Variants in FREM2 observed in about 807,000 individuals in gnomAD.
FREM2 encodes FRAS1 related extracellular matrix 2.
A neutral mutation model predicts 219.9 loss-of-function variants in FREM2; 119 were observed. That is an observed-to-expected ratio of 0.54 (90% CI 0.47 to 0.63). The LOEUF is 0.63. Among genes scored for constraint, FREM2 ranks in the 30% least tolerant of loss-of-function variants. The pLI, the probability that FREM2 is intolerant of heterozygous loss-of-function variation, is 0.00. For synonymous variants in FREM2, 1,562 were observed against 1,522.8 expected, an observed-to-expected ratio of 1.03 and a Z score of -0.60; for missense variants, 4,030 against 3,993.6, an observed-to-expected ratio of 1.01 and a Z score of -0.25.
chr13:38,879,840 T>C (rs1333511), intron 23 of FREM2, among the ~76,000 whole-genome samples: 44,217 of 151,974 alleles, frequency 0.29, 8,076 homozygotes, highest in East Asian at 0.46. Context: ...ATTGATTTTT[T>C]CCCCCTATGG....
At chr13:38,805,866 G>A (rs1875206893) in intron 6 of FREM2, among the ~76,000 whole-genome samples, 1 of 151,676 alleles carries the variant, frequency 6.6e-6, no homozygotes, top group African/African-American at 2.4e-5. Context: ...TATACCTTTA[G>A]GCCCTTTTAA....
intron 16 of FREM2, among the ~76,000 whole-genome samples, chr13:38,865,060 A>C (rs900541176): frequency 3.3e-5 from 5 of 151,778 alleles, no homozygotes; most frequent in Admixed American, 1.3e-4. Context: ...CTTCCCCTAC[A>C]TTTTACAAAA....
intron 2 of FREM2, among the ~76,000 whole-genome samples, chr13:38,706,477 A>G (rs1870544819): frequency 6.6e-6 from 1 of 152,182 alleles, no homozygotes; most frequent in South Asian, 2.1e-4. Flanking sequence ...CACTGAGAAG[A>G]GCTTGTTTTA....
At chr13:38,711,051 G>C (rs904513445) in intron 2 of FREM2, among the ~76,000 whole-genome samples, 1 of 152,160 alleles carries the variant, frequency 6.6e-6, no homozygotes, top group African/African-American at 2.4e-5. Flanking sequence ...TGTAGATGCT[G>C]CCATTTCTTT....
intron 6 of FREM2, among the ~76,000 whole-genome samples, chr13:38,832,554 T>A (rs571608675): frequency 5.3e-5 from 8 of 152,210 alleles, no homozygotes; most frequent in African/African-American, 1.7e-4. Context: ...CATCAAAAAA[T>A]AAACTATGTA....
chr13:38,739,543 T>C (rs1442760687), intron 2 of FREM2, among the ~76,000 whole-genome samples: 1 of 152,190 alleles, frequency 6.6e-6, no homozygotes, highest in African/African-American at 2.4e-5. Flanking sequence ...TTGTCCATAC[T>C]GTTCTTCCTA....
chr13:38,840,445 G>A (rs1423865528), intron 6 of FREM2, among the ~76,000 whole-genome samples: 1 of 147,598 alleles, frequency 6.8e-6, no homozygotes, highest in Non-Finnish European at 1.5e-5. Context: ...TTTTTAATGC[G>A]GAGTCTGGCT....
At chr13:38,770,435 C>A (rs748446022) in intron 4 of FREM2, among the ~76,000 whole-genome samples, 1 of 151,922 alleles carries the variant, frequency 6.6e-6, no homozygotes. Flanking sequence ...ATAATTCTAT[C>A]ATTTAATATT....
chr13:38,757,797 T>C (rs1873073804), intron 2 of FREM2, among the ~76,000 whole-genome samples: 1 of 151,936 alleles, frequency 6.6e-6, no homozygotes, highest in African/African-American at 2.4e-5. Flanking sequence ...CACCATGCTG[T>C]TCAGGCTGTC....
In FREM2 at chr13:38,774,751, G is replaced by A. The variant is rs182747920; in HGVS notation, c.5641+4943G>A. 2.0e-5 allele frequency among the ~76,000 whole-genome samples: 3 copies of A among 152,280 alleles called. No homozygotes were observed. The East Asian group carries it at 5.8e-4, about 29-fold the overall frequency. ...TTTTTGACTTAGTAATTTCTAGCCA[G>A]AGTAAATGGAGTTCTATATACATTT... On this transcript the variant is annotated intron_variant, in intron 4 of 23. Coordinates refer to ENST00000280481, the MANE Select transcript of FREM2 (RefSeq NM_207361.6).
chr13:38,856,313 A>T lies in FREM2; in HGVS notation c.7056+57A>T, dbSNP rs966558619. 4.0e-6 allele frequency: 6 copies of T among 1,498,066 alleles called. No homozygotes were observed. In the African/African-American group the frequency reaches 5.5e-5, roughly 14 times the overall value. 92.8% of individuals were successfully genotyped at this position (1,498,066 alleles called of 1,614,324 possible). A position where few individuals can be genotyped will look rare whatever the true frequency, so the allele number is the denominator to read the frequency against. ...GCTAGCAGTTTGTCAGAGGAAATGCATAAAAGCAATCACATAGTGTACAAC... is the reference window on the plus strand; with the variant it reads ...GCTAGCAGTTTGTCAGAGGAAATGCTTAAAAGCAATCACATAGTGTACAAC... On this transcript the variant is annotated intron_variant, in intron 12 of 23. Coordinates refer to ENST00000280481, the MANE Select transcript of FREM2 (RefSeq NM_207361.6).
At chr13:38,842,865 T>G (rs1877011870) in intron 6 of FREM2, among the ~76,000 whole-genome samples, 1 of 152,214 alleles carries the variant, frequency 6.6e-6, no homozygotes, top group African/African-American at 2.4e-5. Flanking sequence ...TTGTAGGAAA[T>G]AAATGTGATC....
chr13:38,751,674 C>A (rs1413482257), intron 2 of FREM2, among the ~76,000 whole-genome samples: 1 of 152,138 alleles, frequency 6.6e-6, no homozygotes, highest in Non-Finnish European at 1.5e-5. Context: ...TTGGTTTACC[C>A]TCCTTACTAG....
At chr13:38,810,427 C>G (rs1327641866) in intron 6 of FREM2, among the ~76,000 whole-genome samples, 2 of 151,778 alleles carry the variant, frequency 1.3e-5, no homozygotes, top group Non-Finnish European at 2.9e-5. Context: ...TCAGGTTTTC[C>G]CCATTCAGTA....
chr13:38,714,601 T>G (rs1322241390), intron 2 of FREM2, among the ~76,000 whole-genome samples: 1 of 152,200 alleles, frequency 6.6e-6, no homozygotes, highest in Non-Finnish European at 1.5e-5. Context: ...TAAGCTGTTC[T>G]GACCACAAAA....
At chr13:38,816,450 T>C (rs1875768038) in intron 6 of FREM2, among the ~76,000 whole-genome samples, 1 of 152,208 alleles carries the variant, frequency 6.6e-6, no homozygotes, top group South Asian at 2.1e-4. Flanking sequence ...ATAAATGTGA[T>C]ATGCACATTA....
intron 11 of FREM2, among the ~76,000 whole-genome samples, chr13:38,853,401 TTTA>T (rs1299393439): frequency 6.6e-6 from 1 of 152,042 alleles, no homozygotes; most frequent in Non-Finnish European, 1.5e-5. Flanking sequence ...TAAAAGTAAC[TTTA>T]TGTCCAATAT....
intron 7 of FREM2, among the ~76,000 whole-genome samples, chr13:38,847,279 C>T (rs9594302): frequency 6.6e-6 from 1 of 151,622 alleles, no homozygotes; most frequent in Non-Finnish European, 1.5e-5. Context: ...TTACAGCAAG[C>T]ATAGAATTCA....
intron 6 of FREM2, among the ~76,000 whole-genome samples, chr13:38,838,116 T>C (rs1876793686): frequency 6.6e-6 from 1 of 152,210 alleles, no homozygotes; most frequent in Non-Finnish European, 1.5e-5. Flanking sequence ...CCTTTCCATA[T>C]TGAGTGCTTC....
Sources: allele counts gnomAD v4.1 joint callset (sites outside exome capture counted in the v4.1 genomes callset), GRCh38; gene constraint gnomAD v4.1.1; transcripts MANE v1.5; gene names NCBI Gene and HGNC (gene_info 2026-07-23, HGNC 2026-07-21).